ZNF91: variants seen among roughly 807,000 people sequenced by gnomAD.
The protein encoded by ZNF91 is zinc finger protein 91 (HPF7, HTF10).
A neutral mutation model predicts 12.6 loss-of-function variants in ZNF91; 7 were observed. The ratio of observed to expected loss-of-function variants is 0.55; its 90% CI spans 0.31 to 1.04. ZNF91 has a LOEUF of 1.04. Among genes scored for constraint, ZNF91 ranks in the 50% least tolerant of loss-of-function variants. The pLI, the probability that ZNF91 is intolerant of heterozygous loss-of-function variation, is 0.05. For missense variants in ZNF91, 1,217 were observed against 1,385.4 expected (o/e 0.88, Z 1.93); for synonymous variants, 453 against 462.6 (o/e 0.98, Z 0.27).
intron 1 of ZNF91, chr19:23,310,491 T>C (rs1967453754): frequency 6.6e-6 from 1 of 152,258 alleles, no homozygotes; most frequent in South Asian, 2.1e-4. Flanking sequence ...CAGTCCATTG[T>C]AGAGATTGTG....
At chr19:23,319,313 T>C (rs1967634833) in intron 1 of ZNF91, among the ~76,000 whole-genome samples, 2 of 152,226 alleles carry the variant, frequency 1.3e-5, no homozygotes, top group Admixed American at 1.3e-4. Context: ...GGTGCAACTC[T>C]TCTGCATGAG....
chr19:23,370,263 T>C (rs1480095521), intron 3 of ZNF91, among the ~76,000 whole-genome samples: 1 of 152,010 alleles, frequency 6.6e-6, no homozygotes, highest in East Asian at 1.9e-4. Context: ...AAGATACACT[T>C]TGAGATTATG....
Position 23,330,545 on chromosome 19 carries a change from C to T in ZNF91, n.117-21448G>A, listed in dbSNP as rs371069422. On this transcript the variant is annotated intron_variant and non_coding_transcript_variant, in intron 1 of 1. Transcript: ENST00000596528. ...ACATCCCTTTGGGCCCCTGGTAGCA[C>T]TGATTTTCCCATTTTGGGGAGAATA... 5.7e-4 allele frequency among the ~76,000 whole-genome samples: 87 copies of T among 152,220 alleles called. 3 individuals carry two copies. The South Asian group carries it at 0.017, about 30-fold the overall frequency.
intron 1 of ZNF91, among the ~76,000 whole-genome samples, chr19:23,382,049 C>CAAAAAAAAAA (rs60814223): frequency 2.5e-5 from 2 of 79,402 alleles, no homozygotes; most frequent in African/African-American, 8.1e-5. Context: ...AATCCTGAGA[C>CAAAAAAAAAA]AAAAAAAAAA....
intron 1 of ZNF91, among the ~76,000 whole-genome samples, chr19:23,379,927 G>A (rs1038142): frequency 0.1 from 15,699 of 151,918 alleles, 1,232 homozygotes; most frequent in East Asian, 0.37. Context: ...TTAGATGAAC[G>A]ACAATTGCCA....
chr19:23,341,625 A>G (rs1376688597), intron 3 of ZNF91, among the ~76,000 whole-genome samples: 1 of 152,186 alleles, frequency 6.6e-6, no homozygotes, highest in African/African-American at 2.4e-5. Flanking sequence ...AGATATATAA[A>G]AAAGTGCTCA....
In ZNF91 at chr19:23,344,332, G is replaced by A. The variant is rs187307883; in HGVS notation, c.254-5278C>T. ...GATGGTCTCGATCTCCTGACCTCAT[G>A]ATCCGCCCGCCTCGGCCTCCCAAAT... On this transcript the variant is annotated intron_variant, in intron 3 of 3. Transcript: ENST00000599743. Among the ~76,000 whole-genome samples the A allele has an allele frequency of 5.3e-3, 800 of 152,200 alleles. 7 individuals carry two copies. The highest frequency in any genetic ancestry group is 0.018 in the African/African-American group (759 of 41,514).
intron 1 of ZNF91, among the ~76,000 whole-genome samples, chr19:23,332,606 C>T (rs1327130498): frequency 2.0e-5 from 3 of 152,076 alleles, no homozygotes; most frequent in Non-Finnish European, 4.4e-5. Context: ...GCACATCAAG[C>T]GAAAAGATGG....
At chr19:23,389,722 C>T (rs552072790) in intron 1 of ZNF91, among the ~76,000 whole-genome samples, 3 of 152,296 alleles carry the variant, frequency 2.0e-5, no homozygotes, top group Admixed American at 2.0e-4. Context: ...TGGTATCTTT[C>T]TTCTGGCACC....
At chr19:23,306,455 TGTAAC>T (rs1967400205) in intron 3 of ZNF91, among the ~76,000 whole-genome samples, 1 of 152,090 alleles carries the variant, frequency 6.6e-6, no homozygotes, top group East Asian at 1.9e-4. Context: ...ACAGGGGAAT[TGTAAC>T]GTATCACCGG....
intron 3 of ZNF91, among the ~76,000 whole-genome samples, chr19:23,366,655 T>A (rs1468864600): frequency 6.6e-6 from 1 of 152,202 alleles, no homozygotes; most frequent in Non-Finnish European, 1.5e-5. Context: ...CACCACAAGA[T>A]AACAGACAGA....
chr19:23,364,682 AT>A (rs1282471658), intron 3 of ZNF91, among the ~76,000 whole-genome samples: 1 of 152,188 alleles, frequency 6.6e-6, no homozygotes, highest in African/African-American at 2.4e-5. Context: ...CCATAAAAAA[AT>A]ATAGATTCAG....
chr19:23,389,420 A>T (rs1490187244), intron 1 of ZNF91, among the ~76,000 whole-genome samples: 1 of 148,692 alleles, frequency 6.7e-6, no homozygotes, highest in Non-Finnish European at 1.5e-5. Flanking sequence ...AAAAAAAAAC[A>T]CTAGGATCAA....
chr19:23,380,769 A>C (rs997987005), intron 1 of ZNF91: 1 of 152,254 alleles, frequency 6.6e-6, no homozygotes, highest in African/African-American at 2.4e-5. Flanking sequence ...CATTATCAGC[A>C]GAATTTTAGA....
At chr19:23,349,148 G>A (rs1465532658) in intron 3 of ZNF91, among the ~76,000 whole-genome samples, 1 of 152,154 alleles carries the variant, frequency 6.6e-6, no homozygotes, top group Non-Finnish European at 1.5e-5. Context: ...CTTGCCTTGT[G>A]ATCCTGCTCT....
intron 1 of ZNF91, among the ~76,000 whole-genome samples, chr19:23,381,624 C>T (rs2145119488): frequency 6.6e-6 from 1 of 152,126 alleles, no homozygotes; most frequent in South Asian, 2.1e-4. Flanking sequence ...CCATGCTCAG[C>T]TAATTTTGTA....
At chr19:23,322,478 T>C (rs1487524954) in intron 1 of ZNF91, among the ~76,000 whole-genome samples, 4 of 152,208 alleles carry the variant, frequency 2.6e-5, no homozygotes, top group Admixed American at 6.5e-5. Flanking sequence ...CTGTTTTGCA[T>C]TGGCAACGTC....
intron 3 of ZNF91, among the ~76,000 whole-genome samples, chr19:23,348,134 T>C (rs1968275191): frequency 6.6e-6 from 1 of 152,168 alleles, no homozygotes; most frequent in South Asian, 2.1e-4. Flanking sequence ...TGAAAAAAAT[T>C]ACCTCTCTTG....
At chr19:23,368,021 T>A (rs1241082988) in intron 3 of ZNF91, among the ~76,000 whole-genome samples, 13 of 151,762 alleles carry the variant, frequency 8.6e-5, no homozygotes. Flanking sequence ...GCGATTACCC[T>A]GCCTCAGCCA....
Sources: gnomAD v4.1 joint callset for allele counts (sites outside exome capture counted in the v4.1 genomes callset) on GRCh38, gnomAD v4.1.1 for gene constraint, MANE v1.5 for transcripts, NCBI Gene and HGNC (gene_info 2026-07-23, HGNC 2026-07-21) for gene names.